Variants in WNT7A observed in about 807,000 individuals in gnomAD.
The protein encoded by WNT7A is protein Wnt-7a.
Under a neutral mutation model 28.2 loss-of-function variants are expected in WNT7A, and 16 were observed. The ratio of observed to expected loss-of-function variants is 0.57; its 90% CI spans 0.38 to 0.86. The LOEUF is 0.86. Among genes scored for constraint, WNT7A ranks in the 40% least tolerant of loss-of-function variants. WNT7A has a pLI of 0.00. For missense variants in WNT7A, 411 were observed against 489.7 expected (o/e 0.84, Z 1.52); for synonymous variants, 190 against 195.9 (o/e 0.97, Z 0.25).
chr3:13,842,870 T>A (rs564821536), intron 3 of WNT7A, among the ~76,000 whole-genome samples: 5 of 152,310 alleles, frequency 3.3e-5, no homozygotes, highest in Admixed American at 3.3e-4. Context: ...GGCTGGAGAC[T>A]GGACTTTATG....
intron 3 of WNT7A, among the ~76,000 whole-genome samples, chr3:13,845,487 C>G (rs756012910): frequency 3.3e-5 from 5 of 152,242 alleles, no homozygotes; most frequent in African/African-American, 4.8e-5. Flanking sequence ...GACAGTGCAG[C>G]TATAAGCAGT....
chr3:13,820,320 C>A (rs1384418094), intron 3 of WNT7A, among the ~76,000 whole-genome samples: 2 of 152,084 alleles, frequency 1.3e-5, no homozygotes, highest in African/African-American at 4.8e-5. Context: ...CATTTATTAA[C>A]CCCCTGCACA....
At chr3:13,821,498 T>C (rs1694108939) in intron 3 of WNT7A, among the ~76,000 whole-genome samples, 1 of 152,198 alleles carries the variant, frequency 6.6e-6, no homozygotes, top group South Asian at 2.1e-4. Flanking sequence ...ATGTTCATAA[T>C]CGCTCTGACC....
chr3:13,851,435 G>A lies in WNT7A; in HGVS notation c.570+3097C>T, dbSNP rs148740468. The stretch of plus-strand genomic sequence containing the variant: ...TGCCTGAACTGCCCTCTTCCTTCCT[G>A]ATGCCTCGTCCACCTGGACTCCTTA... On this transcript the variant is annotated intron_variant, in intron 3 of 3. Transcript: ENST00000285018. 2.3e-3 allele frequency among the ~76,000 whole-genome samples: 351 copies of A among 152,308 alleles called. 3 individuals carry two copies. The highest frequency in any genetic ancestry group is 7.7e-3 in the African/African-American group (320 of 41,564).
chr3:13,831,394 C>G (rs1289787716), intron 3 of WNT7A, among the ~76,000 whole-genome samples: 2 of 152,228 alleles, frequency 1.3e-5, no homozygotes, highest in East Asian at 3.8e-4. Context: ...CACAGTCACA[C>G]AGTCAGGAAG....
At chr3:13,853,878 G>A (rs1344021363) in intron 3 of WNT7A, among the ~76,000 whole-genome samples, 2 of 152,252 alleles carry the variant, frequency 1.3e-5, no homozygotes, top group Non-Finnish European at 2.9e-5. Flanking sequence ...CCTCAAGGAA[G>A]TGAGGGCTTC....
chr3:13,818,350 G>GAAAAAAAAAAAAAAAAAAAAAAAA lies in WNT7A; in HGVS notation c.*593_*594insTTTTTTTTTTTTTTTTTTTTTTTT. On this transcript the variant is annotated 3_prime_UTR_variant, in exon 4 of 4. Transcript: ENST00000285018. ...ATTTCTGGATAAGTAGCAGCAAACA[G>GAAAAAAAAAAAAAAAAAAAAAAAA]CAAAAAAAAAAAAAAAAATGTGTGT... 1 of 18,172 alleles carries GAAAAAAAAAAAAAAAAAAAAAAAA rather than the reference G, an allele frequency of 5.5e-5. No homozygotes were observed. The highest frequency in any genetic ancestry group is 4.6e-4 in the African/African-American group (1 of 2,186). The allele number at this position is 18,172 out of a possible 1,614,324, so 1.1% of individuals were successfully genotyped here. A position where few individuals can be genotyped will look rare whatever the true frequency, so the allele number is the denominator to read the frequency against.
At position 13,879,722 on chromosome 3, in the gene WNT7A, G is replaced by A. The variant is rs199790686; in HGVS notation, c.71+24C>T. The stretch of plus-strand genomic sequence containing the variant: ...GTGCCAACTTTGTCGAAACACGCGC[G>A]GAAAGGGCGCAGGCAGCCCTTACCC... On this transcript the variant is annotated intron_variant, in intron 1 of 3. Coordinates refer to ENST00000285018, the MANE Select transcript of WNT7A (RefSeq NM_004625.4). The A allele has an allele frequency of 1.5e-3, 2,355 of 1,609,724 alleles. 4 individuals carry two copies. The highest frequency in any genetic ancestry group is 1.8e-3 in the Non-Finnish European group (2,174 of 1,177,508).
chr3:13,866,744 T>C (rs1313158096), intron 2 of WNT7A, among the ~76,000 whole-genome samples: 1 of 151,970 alleles, frequency 6.6e-6, no homozygotes, highest in Non-Finnish European at 1.5e-5. Context: ...TGCGTTTTAT[T>C]CTCAGAACAA....
At chr3:13,850,509 G>A (rs998053378) in intron 3 of WNT7A, among the ~76,000 whole-genome samples, 8 of 152,184 alleles carry the variant, frequency 5.3e-5, no homozygotes, top group African/African-American at 1.7e-4. Flanking sequence ...GGCAGGGACT[G>A]GGAGGTGACT....
chr3:13,859,105 T>C (rs1470639068), intron 2 of WNT7A, among the ~76,000 whole-genome samples: 2 of 152,108 alleles, frequency 1.3e-5, no homozygotes, highest in African/African-American at 4.8e-5. Context: ...AGCCGTTGCG[T>C]TGTAGTTTTG....
intron 3 of WNT7A, among the ~76,000 whole-genome samples, chr3:13,824,364 G>T (rs1694161761): frequency 6.6e-6 from 1 of 152,196 alleles, no homozygotes; most frequent in South Asian, 2.1e-4. Flanking sequence ...GTGGCATTTT[G>T]CGTCTCTAGC....
chr3:13,833,384 C>A (rs1405310046), intron 3 of WNT7A, among the ~76,000 whole-genome samples: 1 of 152,220 alleles, frequency 6.6e-6, no homozygotes. Context: ...CACACACACA[C>A]CCTCAAACAT....
chr3:13,879,145 G>T (rs532287359), intron 1 of WNT7A, among the ~76,000 whole-genome samples: 2 of 152,362 alleles, frequency 1.3e-5, no homozygotes, highest in Non-Finnish European at 1.5e-5. Context: ...CCGGGAAGGG[G>T]CTCTGGGAGT....
intron 2 of WNT7A, among the ~76,000 whole-genome samples, chr3:13,871,860 T>C (rs866909359): frequency 7.9e-5 from 12 of 152,116 alleles, no homozygotes; most frequent in African/African-American, 2.9e-4. Context: ...AAGGTCTCCA[T>C]TCCCATGAAG....
At chr3:13,877,017 G>A (rs1415706397) in intron 1 of WNT7A, 4 of 152,214 alleles carry the variant, frequency 2.6e-5, no homozygotes, top group South Asian at 2.1e-4. Flanking sequence ...TGAGGGCAGG[G>A]AGGCTGTCTG....
intron 3 of WNT7A, among the ~76,000 whole-genome samples, chr3:13,841,290 G>C (rs76412067): frequency 7.2e-5 from 11 of 152,118 alleles, no homozygotes; most frequent in African/African-American, 2.7e-4. Context: ...TGATCTGTTC[G>C]TCTCTAAAAC....
chr3:13,875,186 A>G lies in WNT7A; in HGVS notation c.72-13T>C. The stretch of plus-strand genomic sequence containing the variant: ...TGAGGAGAAGCCACTGGAGGGAGAG[A>G]CACAGAGAGATGGAGCATTAGGCCA... On this transcript the variant is annotated splice_polypyrimidine_tract_variant and intron_variant, in intron 1 of 3. Coordinates refer to ENST00000285018, the MANE Select transcript of WNT7A (RefSeq NM_004625.4). 1 of 1,613,782 alleles carries G rather than the reference A, an allele frequency of 6.2e-7. No homozygotes were observed. The highest frequency in any genetic ancestry group is 8.5e-7 in the Non-Finnish European group (1 of 1,179,892).
chr3:13,820,606 G>T (rs1023189929), intron 3 of WNT7A, among the ~76,000 whole-genome samples: 1 of 152,078 alleles, frequency 6.6e-6, no homozygotes, highest in African/African-American at 2.4e-5. Flanking sequence ...AGAAAATCAG[G>T]GTGCTGGAAG....
Sources: gnomAD v4.1 joint callset for allele counts (sites outside exome capture counted in the v4.1 genomes callset) on GRCh38, gnomAD v4.1.1 for gene constraint, MANE v1.5 for transcripts, NCBI Gene and HGNC (gene_info 2026-07-23, HGNC 2026-07-21) for gene names.